VPS13B: variants seen among roughly 807,000 people sequenced by gnomAD.
The protein encoded by VPS13B is vacuolar protein sorting 13 homolog B.
In VPS13B, 285 loss-of-function variants were observed where a neutral mutation model predicts 426.4. That is an observed-to-expected ratio of 0.67 (90% CI 0.61 to 0.74). The LOEUF (loss-of-function observed/expected upper bound fraction) is 0.74, where lower values mean the gene tolerates loss of function less well. VPS13B is among the 30% of genes least tolerant of loss of function. VPS13B has a pLI of 0.00. For missense variants in VPS13B, 4,537 were observed against 4,782.6 expected, an observed-to-expected ratio of 0.95 and a Z score of 1.51; for synonymous variants, 1,676 against 1,676.4, an observed-to-expected ratio of 1.00 and a Z score of 0.01.
rs563932089 is a variant in VPS13B at position 99,309,294 on chromosome 8, C to G, written c.2824+34040C>G. Among the ~76,000 whole-genome samples, 5 of 152,224 alleles carry G rather than the reference C, an allele frequency of 3.3e-5. No homozygotes were observed. In the South Asian group the frequency reaches 1.0e-3, roughly 32 times the overall value. ...TGAATGGTATTGCTTAGGTTTTCTTCTAGGGTTTTTATGGTTTTAGGTCTA... is the reference window on the plus strand; with the variant it reads ...TGAATGGTATTGCTTAGGTTTTCTTGTAGGGTTTTTATGGTTTTAGGTCTA... On this transcript the variant is annotated intron_variant, in intron 19 of 61. Coordinates refer to ENST00000357162, the MANE Select transcript of VPS13B (RefSeq NM_152564.5).
At chr8:99,499,222 CAG>C (rs1821098452) in intron 25 of VPS13B, among the ~76,000 whole-genome samples, 3 of 152,198 alleles carry the variant, frequency 2.0e-5, no homozygotes, top group Admixed American at 2.0e-4. Flanking sequence ...GATTTGGAAA[CAG>C]AGCAGAAAAT....
At chr8:99,607,391 G>A (rs566833070) in intron 33 of VPS13B, among the ~76,000 whole-genome samples, 1 of 152,212 alleles carries the variant, frequency 6.6e-6, no homozygotes, top group South Asian at 2.1e-4. Context: ...GAAAACTTTA[G>A]TCTCTTAACT....
At chr8:99,725,365 C>T (rs1371480701) in intron 39 of VPS13B, among the ~76,000 whole-genome samples, 3 of 152,160 alleles carry the variant, frequency 2.0e-5, no homozygotes, top group African/African-American at 7.2e-5. Flanking sequence ...CTGAGCTCTG[C>T]CTCCCAATCT....
At chr8:99,036,725 T>C (rs1842764274) in intron 2 of VPS13B, among the ~76,000 whole-genome samples, 1 of 152,178 alleles carries the variant, frequency 6.6e-6, no homozygotes, top group Admixed American at 6.5e-5. Context: ...ATTTATGCCC[T>C]TAGACTGCAA....
At chr8:99,636,830 A>G (rs1371270439) in intron 33 of VPS13B, among the ~76,000 whole-genome samples, 1 of 152,094 alleles carries the variant, frequency 6.6e-6, no homozygotes, top group African/African-American at 2.4e-5. Flanking sequence ...AACTTTTGAA[A>G]GGGACGCAAA....
chr8:99,278,118 T>C lies in VPS13B; in HGVS notation c.2824+2864T>C, dbSNP rs1001510807. Among the ~76,000 whole-genome samples the C allele has an allele frequency of 5.9e-5, 9 of 152,266 alleles. No homozygotes were observed. In the East Asian group the frequency reaches 9.7e-4, roughly 16 times the overall value. ...TTAATGAACTTTTCCCATGGTCTTA[T>C]AGAATTTGAATGATGATCATACTAA... On this transcript the variant is annotated intron_variant, in intron 19 of 61. Coordinates refer to ENST00000357162, the MANE Select transcript of VPS13B (RefSeq NM_152564.5).
chr8:99,556,498 A>G lies in VPS13B; in HGVS notation c.4794A>G (p.Glu1598=). ...TTCGAGATCCTGGATCAGAAATCGA[A>G]GACAGACAATACCAAATAGATCTGC... is the stretch of plus-strand genomic sequence containing the variant. ...GILRDPGSEI[E]DRQYQIDLQS... is the part of the protein sequence containing the mutation. Residue 1598 remains glutamate (E), a synonymous_variant, in exon 31 of 62, where the codon GAA becomes GAG. Transcript: ENST00000357162. 1 of 1,613,198 alleles carries G rather than the reference A, an allele frequency of 6.2e-7. No individual in the cohort carries two copies. Among genetic ancestry groups the G allele is most frequent in the Non-Finnish European group, 8.5e-7 (1 of 1,179,528 alleles).
At chr8:99,396,118 G>A (rs1814714946) in intron 21 of VPS13B, among the ~76,000 whole-genome samples, 1 of 152,138 alleles carries the variant, frequency 6.6e-6, no homozygotes, top group Admixed American at 6.5e-5. Context: ...ATTAATTATG[G>A]TTGTGAGGGT....
intron 19 of VPS13B, among the ~76,000 whole-genome samples, chr8:99,357,606 G>A (rs925151931): frequency 6.6e-5 from 10 of 152,010 alleles, no homozygotes; most frequent in African/African-American, 2.4e-4. Context: ...TGTGTGTTTT[G>A]TGAGTGACAA....
At chr8:99,225,123 C>G (rs1465749242) in intron 17 of VPS13B, among the ~76,000 whole-genome samples, 1 of 152,120 alleles carries the variant, frequency 6.6e-6, no homozygotes, top group Non-Finnish European at 1.5e-5. Flanking sequence ...TAATCTCTTT[C>G]TCCTGTGTTG....
intron 3 of VPS13B, among the ~76,000 whole-genome samples, chr8:99,069,488 T>G (rs758435507): frequency 3.9e-5 from 6 of 152,238 alleles, no homozygotes; most frequent in Non-Finnish European, 7.3e-5. Context: ...TAATGACGTT[T>G]GTCAATTATT....
chr8:99,384,187 T>C, intron 19 of VPS13B, 21 bp from the exon 20 acceptor site: 2 of 1,594,180 alleles, frequency 1.3e-6, no homozygotes, highest in Non-Finnish European at 1.7e-6. Context: ...TATGTAACAG[T>C]TTAAAAATCT....
chr8:99,026,691 T>C (rs1842153907), intron 2 of VPS13B, among the ~76,000 whole-genome samples: 1 of 152,166 alleles, frequency 6.6e-6, no homozygotes, highest in Non-Finnish European at 1.5e-5. Flanking sequence ...ATTATTATTA[T>C]ATGATGACCT....
At chr8:99,023,734 C>T (rs1842013087) in intron 2 of VPS13B, among the ~76,000 whole-genome samples, 1 of 152,182 alleles carries the variant, frequency 6.6e-6, no homozygotes, top group Non-Finnish European at 1.5e-5. Context: ...CTGCCTTGGC[C>T]TCCCAAAGTG....
At chr8:99,778,185 T>C (rs1811834551) in intron 41 of VPS13B, among the ~76,000 whole-genome samples, 1 of 142,936 alleles carries the variant, frequency 7.0e-6, no homozygotes, top group Non-Finnish European at 1.5e-5. Flanking sequence ...TGAGCCAAGA[T>C]CACACCACTG....
chr8:99,468,766 A>C (rs1341012797), intron 24 of VPS13B, among the ~76,000 whole-genome samples: 1 of 152,180 alleles, frequency 6.6e-6, no homozygotes, highest in African/African-American at 2.4e-5. Flanking sequence ...TTTATGAAGC[A>C]GTATTAATCA....
In VPS13B at chr8:99,149,976, C is replaced by G. The variant is rs114348713; in HGVS notation, c.2013+1966C>G. On this transcript the variant is annotated intron_variant, in intron 14 of 61. Transcript: ENST00000357162. ...AAAGATTGTCTTCAATGAAATTAAT[C>G]TCCGATGCCAGAAAGGTTGGTGTCC... Among the ~76,000 whole-genome samples the G allele has an allele frequency of 3.3e-3, 505 of 152,270 alleles. 2 individuals are homozygous for G. Among genetic ancestry groups the G allele is most frequent in the African/African-American group, 0.011 (449 of 41,548 alleles).
chr8:99,298,919 G>A lies in VPS13B; in HGVS notation c.2824+23665G>A, dbSNP rs572081945. 2.0e-5 allele frequency among the ~76,000 whole-genome samples: 3 copies of A among 152,312 alleles called. No homozygotes were observed. In the South Asian group the frequency reaches 6.2e-4, roughly 32 times the overall value. ...CACAAGGCCAAGGAGTGAGTGGCAG[G>A]TGCTCAGAAAGCAGCACCTCTGCTT... On this transcript the variant is annotated intron_variant, in intron 19 of 61. Transcript: ENST00000357162.
In VPS13B at chr8:99,186,122, A is replaced by G. The variant is rs548032821; in HGVS notation, c.2334-6754A>G. Among the ~76,000 whole-genome samples the G allele has an allele frequency of 1.1e-3, 174 of 152,266 alleles. 1 individual carries two copies. The highest frequency in any genetic ancestry group is 6.8e-3 in the Middle Eastern group (2 of 294). On this transcript the variant is annotated intron_variant, in intron 16 of 61. Coordinates refer to ENST00000357162, the MANE Select transcript of VPS13B (RefSeq NM_152564.5). Reference sequence around the variant, plus strand: ...TATTCTGTAAAATGAACATATGTTCAGACTAAGACTTCTGGATATGAGGAA... The same window carrying G: ...TATTCTGTAAAATGAACATATGTTCGGACTAAGACTTCTGGATATGAGGAA...
Sources: gnomAD v4.1 joint callset for allele counts (sites outside exome capture counted in the v4.1 genomes callset) on GRCh38, gnomAD v4.1.1 for gene constraint, MANE v1.5 for transcripts, NCBI Gene and HGNC (gene_info 2026-07-23, HGNC 2026-07-21) for gene names.